ARLN: variants seen among roughly 807,000 people sequenced by gnomAD.
ARLN encodes allregulin.
the ARLN span, among the ~76,000 whole-genome samples, chr4:119,302,490 C>T: frequency 1.3e-5 from 2 of 152,170 alleles, no homozygotes; most frequent in South Asian, 4.1e-4. Flanking sequence ...ATCCTTCTGC[C>T]TCGACTTCCC....
chr4:119,296,560 G>A, the ARLN span: 1 of 152,216 alleles, frequency 6.6e-6, no homozygotes, highest in Non-Finnish European at 1.5e-5. Context: ...CTGAGAACCA[G>A]GGGCCCTGGT....
the ARLN span, among the ~76,000 whole-genome samples, chr4:119,299,097 CCT>C: frequency 7.9e-5 from 12 of 152,264 alleles, no homozygotes; most frequent in South Asian, 2.1e-4. Flanking sequence ...CCCTGCCACC[CCT>C]TTTTTTGAGA....
chr4:119,304,433 T>C, the ARLN span: 1 of 1,530,534 alleles, frequency 6.5e-7, no homozygotes, highest in Non-Finnish European at 8.7e-7. Context: ...GGGCTATTTA[T>C]TAGACTGGTC....
At chr4:119,301,336 A>G in the ARLN span, among the ~76,000 whole-genome samples, 4 of 151,684 alleles carry the variant, frequency 2.6e-5, no homozygotes, top group Non-Finnish European at 2.9e-5. Flanking sequence ...AGGCAGGAGA[A>G]TCGCTTGAAC....
At chr4:119,298,508 T>C in the ARLN span, 1 of 360,764 alleles carries the variant, frequency 2.8e-6, no homozygotes. Flanking sequence ...AATGCTTTTA[T>C]ATTCAGCCCC....
chr4:119,300,428 T>C, the ARLN span: 1 of 1,613,994 alleles, frequency 6.2e-7, no homozygotes, highest in Middle Eastern at 1.6e-4. Context: ...GAAGCCCATT[T>C]GCCCCAGACT....
chr4:119,296,499 A>C, the ARLN span: 2 of 152,202 alleles, frequency 1.3e-5, no homozygotes, highest in Admixed American at 6.5e-5. Flanking sequence ...CTTTCCGCAG[A>C]CAGTAAGCCC....
chr4:119,300,726 C>G, the ARLN span: 3 of 1,520,794 alleles, frequency 2.0e-6, no homozygotes, highest in Middle Eastern at 1.7e-4. Context: ...CCGCTGCCTC[C>G]GTGACCGCTG....
At chr4:119,300,588 C>T in the ARLN span, 7 of 1,613,210 alleles carry the variant, frequency 4.3e-6, no homozygotes, top group Non-Finnish European at 5.9e-6. Context: ...CTTAAGTTCC[C>T]GGACTTTGGT....
chr4:119,302,682 C>A, the ARLN span, among the ~76,000 whole-genome samples: 1 of 152,186 alleles, frequency 6.6e-6, no homozygotes, highest in Non-Finnish European at 1.5e-5. Context: ...AAAATATGCA[C>A]CAGGGACTAC....
the ARLN span, chr4:119,296,810 T>C: frequency 6.6e-6 from 1 of 152,214 alleles, no homozygotes; most frequent in East Asian, 1.9e-4. Flanking sequence ...TCTGGGCATC[T>C]CCTAGCATAA....
the ARLN span, among the ~76,000 whole-genome samples, chr4:119,299,655 G>GT: frequency 6.6e-6 from 1 of 152,160 alleles, no homozygotes; most frequent in African/African-American, 2.4e-5. Flanking sequence ...GAGAGCATGG[G>GT]TTTTACAAGT....
chr4:119,302,241 G>T, the ARLN span, among the ~76,000 whole-genome samples: 1 of 152,204 alleles, frequency 6.6e-6, no homozygotes, highest in African/African-American at 2.4e-5. Context: ...TTGGCCCAGA[G>T]TCACATGCTC....
At chr4:119,298,776 A>G in the ARLN span, 2 of 776,088 alleles carry the variant, frequency 2.6e-6, no homozygotes, top group African/African-American at 1.7e-5. Context: ...ATCAGCGAAC[A>G]AGTCTGTAAA....
At chr4:119,300,806 G>A in the ARLN span, 1 of 1,441,890 alleles carries the variant, frequency 6.9e-7, no homozygotes, top group African/African-American at 1.4e-5. Flanking sequence ...CGGCGTCCCA[G>A]GCAGATAGCT....
At chr4:119,304,401 C>T in the ARLN span, 7 of 1,536,696 alleles carry the variant, frequency 4.6e-6, no homozygotes, top group African/African-American at 9.6e-5. Context: ...CCTCTACATT[C>T]TGTAATGGTC....
the ARLN span, among the ~76,000 whole-genome samples, chr4:119,301,077 A>G: frequency 4.0e-5 from 6 of 151,790 alleles, no homozygotes; most frequent in Non-Finnish European, 7.4e-5. Flanking sequence ...CGGGCCAGAG[A>G]GCAGCACGTG....
the ARLN span, chr4:119,297,322 T>C: frequency 1.3e-5 from 2 of 152,268 alleles, no homozygotes; most frequent in Non-Finnish European, 2.9e-5. Flanking sequence ...TACCAGATCT[T>C]ATGCCCTGTT....
At chr4:119,301,356 G>A in the ARLN span, among the ~76,000 whole-genome samples, 6 of 151,840 alleles carry the variant, frequency 4.0e-5, no homozygotes, top group African/African-American at 1.2e-4. Flanking sequence ...CCCGGGAGGC[G>A]GAGGTTGCAG....
Sources: gnomAD v4.1 joint callset for allele counts (sites outside exome capture counted in the v4.1 genomes callset) on GRCh38, gnomAD v4.1.1 for gene constraint, MANE v1.5 for transcripts, NCBI Gene and HGNC (gene_info 2026-07-23, HGNC 2026-07-21) for gene names.